The following NCOA6 variants were observed in gnomAD, a reference collection of about 807,000 sequenced individuals.
NCOA6 encodes the protein NRC RAP250.
In NCOA6, 49 loss-of-function variants were observed where a neutral mutation model predicts 171.4. That is an observed-to-expected ratio of 0.29 (90% CI 0.23 to 0.36). The LOEUF is 0.36. NCOA6 is among the 10% of genes least tolerant of loss of function. NCOA6 has a pLI of 1.00. For synonymous variants in NCOA6, 910 were observed against 927.5 expected (o/e 0.98, Z 0.34); for missense variants, 2,248 against 2,554.5 (o/e 0.88, Z 2.59).
chr20:34,818,180 T>C (rs2078901594), intron 1 of NCOA6, among the ~76,000 whole-genome samples: 1 of 152,142 alleles, frequency 6.6e-6, no homozygotes, highest in South Asian at 2.1e-4. Context: ...ATCTTGCAAA[T>C]AGTAAGCATG....
intron 11 of NCOA6, among the ~76,000 whole-genome samples, chr20:34,739,705 A>G (rs750606404): frequency 4.6e-5 from 7 of 152,232 alleles, no homozygotes; most frequent in Non-Finnish European, 1.0e-4. Context: ...TTTGAGCTTC[A>G]ATCTTCTCAC....
At chr20:34,793,297 C>T (rs925888586) in intron 1 of NCOA6, among the ~76,000 whole-genome samples, 5 of 152,136 alleles carry the variant, frequency 3.3e-5, no homozygotes, top group African/African-American at 1.2e-4. Context: ...ATTTTGTACA[C>T]ATACAAAATA....
intron 5 of NCOA6, among the ~76,000 whole-genome samples, chr20:34,764,572 G>C (rs947030838): frequency 6.6e-6 from 1 of 151,872 alleles, no homozygotes; most frequent in Non-Finnish European, 1.5e-5. Context: ...TGTAATCCCA[G>C]CTACTAGGGA....
intron 1 of NCOA6, among the ~76,000 whole-genome samples, chr20:34,817,186 CTGATATTCAACAGATTCAATATCAGTAA>C (rs2078867947): frequency 1.3e-5 from 1 of 74,400 alleles, no homozygotes; most frequent in Non-Finnish European, 3.4e-5. Flanking sequence ...TACTACGGAA[CTGATATTCAACAGATTCAATATCAGTAA>C]AGGAGCTGAT....
chr20:34,743,063 A>G lies in NCOA6; in HGVS notation c.3193T>C (p.Ser1065Pro), dbSNP rs775895978. ...HPPRGPLNPD[S>P]QRMPMQQSGS... is the part of the protein sequence containing the mutation. ...CTCTGTTGCATGGGCATTCTCTGGG[A>G]GTCGGGGTTCAGGGGGCCCCTTGGA... is the stretch of plus-strand genomic sequence containing the variant. Residue 1065 changes from serine to proline, a missense_variant, in exon 11 of 15, where the codon TCC becomes CCC. Coordinates refer to ENST00000359003, the MANE Select transcript of NCOA6 (RefSeq NM_014071.5). The G allele has an allele frequency of 1.2e-6, 2 of 1,613,774 alleles. No individual in the cohort carries two copies. The highest frequency in any genetic ancestry group is 1.7e-5 in the Admixed American group (1 of 60,006).
intron 11 of NCOA6, among the ~76,000 whole-genome samples, chr20:34,737,992 G>A (rs1220441207): frequency 6.6e-6 from 1 of 152,120 alleles, no homozygotes; most frequent in Non-Finnish European, 1.5e-5. Context: ...TCCGCCTCCT[G>A]GGCTCAAGCA....
At position 34,799,288 on chromosome 20, in the gene NCOA6, A is replaced by G. The variant is rs141361190; in HGVS notation, c.-163-6725T>C. Among the ~76,000 whole-genome samples the G allele has an allele frequency of 1.7e-3, 265 of 152,348 alleles. 3 individuals are homozygous for G. Among genetic ancestry groups the G allele is most frequent in the Non-Finnish European group, 2.5e-3 (171 of 68,036 alleles). ...TTGAAGACAGCCTCTTTGAAAATAC[A>G]AAGTCAGAGGAGACAAAAGAATGAA... On this transcript the variant is annotated intron_variant, in intron 1 of 14. Transcript: ENST00000359003.
rs760135869 is a variant in NCOA6, at chr20:34,757,962, C to A, written c.786G>T (p.Gln262His). The A allele has an allele frequency of 6.2e-7, 1 of 1,614,008 alleles. No individual in the cohort carries two copies. The highest frequency in any genetic ancestry group is 1.3e-5 in the African/African-American group (1 of 74,994). ...GCTGCTGTTGTTGTTGTTGCTGCTG[C>A]TGCTGCAGCTGGGGAAAATTAGCTG... ...MNPANFPQLQ[Q>H]QQQQQQQQQQ... is the part of the protein sequence containing the mutation. Residue 262 changes from glutamine (Q) to histidine (H), a missense_variant, in exon 7 of 15, where the codon CAG (glutamine) becomes CAT (histidine). By Grantham distance (24) the Gln-to-His change is conservative. Around this residue, in one of 7 missense-constraint regions of NCOA6, gnomAD observed 987 missense variants for 1,104.7 expected, o/e 0.89. Coordinates refer to ENST00000359003, the MANE Select transcript of NCOA6 (RefSeq NM_014071.5).
intron 5 of NCOA6, among the ~76,000 whole-genome samples, chr20:34,765,455 A>C (rs1327232128): frequency 1.3e-5 from 2 of 151,934 alleles, no homozygotes; most frequent in Non-Finnish European, 2.9e-5. Context: ...AAAAAAAAAA[A>C]AAGAAACAGG....
At position 34,738,887 on chromosome 20, in the gene NCOA6, C is replaced by T. The variant is rs1189674458; in HGVS notation, c.5893+1476G>A. The T allele has an allele frequency of 2.4e-5, 11 of 455,926 alleles. No homozygotes were observed. In the Admixed American group the frequency reaches 2.6e-4, roughly 11 times the overall value. The allele number at this position is 455,926 out of a possible 1,614,324, so 28.2% of individuals were successfully genotyped here. A position where few individuals can be genotyped will look rare whatever the true frequency, so the allele number is the denominator to read the frequency against. ...GAAGTTTGTGTTCTTTCTGCCTCTC[C>T]TCCTGGGTGCTTACCACTCAGTGGT... On this transcript the variant is annotated intron_variant, in intron 11 of 14. Coordinates refer to ENST00000359003, the MANE Select transcript of NCOA6 (RefSeq NM_014071.5).
chr20:34,780,153 G>C lies in NCOA6; in HGVS notation c.235+1968C>G, dbSNP rs181957232. Among the ~76,000 whole-genome samples the C allele has an allele frequency of 1.5e-4, 23 of 152,252 alleles. 1 individual carries two copies. The highest frequency in any genetic ancestry group is 3.4e-3 in the Middle Eastern group (1 of 294). On this transcript the variant is annotated intron_variant, in intron 3 of 14. Transcript: ENST00000359003. ...CTTCTTCCCACTCTGAAGTATGTTG[G>C]AATCTTGTACATATTCTACACAAAC... is the stretch of plus-strand genomic sequence containing the variant.
intron 1 of NCOA6, among the ~76,000 whole-genome samples, chr20:34,808,668 C>G (rs1304636201): frequency 6.6e-6 from 1 of 152,104 alleles, no homozygotes; most frequent in African/African-American, 2.4e-5. Context: ...GAACCCCTGA[C>G]CTCAGGTGAT....
intron 5 of NCOA6, among the ~76,000 whole-genome samples, chr20:34,764,625 C>T (rs1403365002): frequency 6.6e-6 from 1 of 151,168 alleles, no homozygotes; most frequent in Admixed American, 6.6e-5. Flanking sequence ...GCAGAGCTCG[C>T]AGTGAGCCAA....
chr20:34,731,450 G>A (rs889593059), intron 13 of NCOA6, among the ~76,000 whole-genome samples: 1 of 152,178 alleles, frequency 6.6e-6, no homozygotes, highest in African/African-American at 2.4e-5. Flanking sequence ...GTGACCTTGG[G>A]CAATTTAGTT....
intron 2 of NCOA6, among the ~76,000 whole-genome samples, chr20:34,791,790 T>G (rs981335699): frequency 6.6e-6 from 1 of 152,104 alleles, no homozygotes; most frequent in African/African-American, 2.4e-5. Flanking sequence ...CCTGTCATAA[T>G]ACTGTACATG....
chr20:34,825,445 T>G (rs2079126658), intron 1 of NCOA6, 27 bp downstream of exon 1: 1 of 147,198 alleles, frequency 6.8e-6, no homozygotes, highest in Non-Finnish European at 1.5e-5. Context: ...GCCCACCCCT[T>G]ACGGGCCCGC....
At chr20:34,796,326 A>T (rs191708166) in intron 1 of NCOA6, among the ~76,000 whole-genome samples, 15 of 152,202 alleles carry the variant, frequency 9.9e-5, no homozygotes, top group East Asian at 7.8e-4. Context: ...ATTTCATATT[A>T]AAAAAGTTAG....
intron 1 of NCOA6, among the ~76,000 whole-genome samples, chr20:34,796,770 C>T (rs1004316744): frequency 4.0e-5 from 6 of 151,520 alleles, no homozygotes; most frequent in Middle Eastern, 3.4e-3. Context: ...TCCAGCATGC[C>T]GGAATTCCAC....
rs1423500921 is a variant in NCOA6, at chr20:34,749,972, G to T, written c.2223C>A (p.Ala741=). Reference sequence around the variant, plus strand: ...TTGGAGTTGGTCCCCTCATTATCTGGGCTGGTCCCGGCATGACATTGGACT... The same window carrying T: ...TTGGAGTTGGTCCCCTCATTATCTGTGCTGGTCCCGGCATGACATTGGACT... ...QNQSNVMPGP[A]QIMRGPTPNM... Residue 741 remains alanine (A), a synonymous_variant, in exon 9 of 15, where the codon GCC becomes GCA. Transcript: ENST00000359003. 6 of 1,614,172 alleles carry T rather than the reference G, an allele frequency of 3.7e-6. No individual in the cohort carries two copies. The South Asian group carries it at 6.6e-5, about 18-fold the overall frequency.
Sources: allele counts gnomAD v4.1 joint callset (sites outside exome capture counted in the v4.1 genomes callset), GRCh38; gene constraint gnomAD v4.1.1; regional missense constraint gnomAD v4.1.1; transcripts MANE v1.5; gene names NCBI Gene and HGNC (gene_info 2026-07-23, HGNC 2026-07-21).